The following GRIN2D variants were observed in gnomAD, a reference collection of about 807,000 sequenced individuals.
GRIN2D encodes the protein glutamate receptor ionotropic, NMDA 2D.
GRIN2D carries 37 observed loss-of-function variants against 103.2 expected under a neutral mutation model. The observed-to-expected ratio is 0.36, with a 90% confidence interval of 0.28 to 0.47. GRIN2D has a LOEUF of 0.47. Ranked by LOEUF, GRIN2D falls within the 20% of genes least tolerant of loss-of-function variation. GRIN2D has a pLI of 1.00. For missense variants in GRIN2D, 1,557 were observed against 1,910.6 expected (o/e 0.81, Z 3.45); for synonymous variants, 845 against 885.6 (o/e 0.95, Z 0.81).
At position 48,404,808 on chromosome 19, in the gene GRIN2D, G is replaced by A. The variant is rs1446423040; in HGVS notation, c.540G>A (p.Glu180=). ...QQLQVIFEVL[E]EYDWTSFVAV... is the part of the protein sequence containing the mutation. ...TTCAGGTCATCTTTGAGGTGCTGGA[G>A]GAGTATGACTGGACGTCCTTTGTAG... Residue 180 remains glutamate, a synonymous_variant, in exon 4 of 14, where the codon GAG becomes GAA. Coordinates refer to ENST00000263269, the MANE Select transcript of GRIN2D (RefSeq NM_000836.4). 3.1e-6 allele frequency: 5 copies of A among 1,614,208 alleles called. No individual in the cohort carries two copies. In the South Asian group the frequency reaches 3.3e-5, roughly 11 times the overall value.
In GRIN2D at chr19:48,442,452, G is replaced by A. The variant is rs1034933891; in HGVS notation, c.2673+70G>A. 14 of 1,555,112 alleles carry A rather than the reference G, an allele frequency of 9.0e-6. No individual in the cohort carries two copies. Among genetic ancestry groups the A allele is most frequent in the Non-Finnish European group, 1.2e-5 (14 of 1,145,098 alleles). On this transcript the variant is annotated intron_variant, in intron 13 of 13. Coordinates refer to ENST00000263269, the MANE Select transcript of GRIN2D (RefSeq NM_000836.4). The surrounding 1 kb of genome is among the most constrained non-coding windows in gnomAD (Gnocchi z 7.2). ...GGGGACAAAGGTAAAGCCGAGCAGA[G>A]ACAAGGAGATGTGGGTCGAGATGTG...
chr19:48,419,852 G>T, intron 10 of GRIN2D, 38 bp downstream of exon 10: 1 of 1,389,634 alleles, frequency 7.2e-7, no homozygotes, highest in Middle Eastern at 1.9e-4. Context: ...AGCTGGGGCT[G>T]GGGCTGGAGG....
Position 48,419,369 on chromosome 19 carries a change from C to T in GRIN2D, c.1861+10C>T. The T allele has an allele frequency of 3.1e-6, 5 of 1,594,004 alleles. No individual in the cohort carries two copies. The highest frequency in any genetic ancestry group is 1.4e-5 in the African/African-American group (1 of 73,514). On this transcript the variant is annotated intron_variant, in intron 9 of 13. Transcript: ENST00000263269. ...CTGGCCACGGGCAAGCGTGAGTCCCCCTTCCTCCATCCCCCGCCTCGGAGA... is the reference window on the plus strand; with the variant it reads ...CTGGCCACGGGCAAGCGTGAGTCCCTCTTCCTCCATCCCCCGCCTCGGAGA...
In GRIN2D at chr19:48,427,543, G is replaced by A. The variant is rs559173085; in HGVS notation, c.2252+5598G>A. Among the ~76,000 whole-genome samples, 36 of 137,348 alleles carry A rather than the reference G, an allele frequency of 2.6e-4. No individual in the cohort carries two copies. In the South Asian group the frequency reaches 7.9e-3, roughly 30 times the overall value. 90.1% of individuals were successfully genotyped at this position (137,348 alleles called of 152,430 possible). Reference sequence around the variant, plus strand: ...TGTCCAGGCTGGAGTGCAGTGGCGCGATCTCGGCTCACTACAACCTCCGCC... The same window carrying A: ...TGTCCAGGCTGGAGTGCAGTGGCGCAATCTCGGCTCACTACAACCTCCGCC... On this transcript the variant is annotated intron_variant, in intron 11 of 13. Transcript: ENST00000263269.
chr19:48,396,975 G>C (rs766543741), intron 2 of GRIN2D, among the ~76,000 whole-genome samples: 3 of 152,086 alleles, frequency 2.0e-5, no homozygotes, highest in Admixed American at 6.6e-5. Flanking sequence ...CAGGACCCAG[G>C]AGCCTGGCTC....
intron 2 of GRIN2D, among the ~76,000 whole-genome samples, chr19:48,396,888 G>A (rs1317437092): frequency 1.3e-5 from 2 of 152,076 alleles, no homozygotes; most frequent in Non-Finnish European, 2.9e-5. Context: ...CCTTCTGGAA[G>A]CCCCTAGTGC....
intron 4 of GRIN2D, among the ~76,000 whole-genome samples, chr19:48,412,427 AAGAAAGAAAGAAAG>A (rs1056856741): frequency 2.8e-4 from 27 of 95,612 alleles, no homozygotes; most frequent in African/African-American, 1.2e-3. Flanking sequence ...AAAGAAAAGA[AAGAAAGAAAGAAAG>A]AAAGAAAGAA....
In GRIN2D at chr19:48,443,312, T is replaced by C; in HGVS notation, c.3386T>C (p.Leu1129Pro). The C allele has an allele frequency of 1.3e-6, 2 of 1,526,116 alleles. No individual in the cohort carries two copies. Among genetic ancestry groups the C allele is most frequent in the African/African-American group, 1.4e-5 (1 of 69,318 alleles). The allele number at this position is 1,526,116 out of a possible 1,614,324, so 94.5% of individuals were successfully genotyped here. The change falls in exon 14 of 14, where the codon CTG becomes CCG. Residue 1129 changes from leucine to proline, a missense_variant. Coordinates refer to ENST00000263269, the MANE Select transcript of GRIN2D (RefSeq NM_000836.4). This position sits in a 1 kb window ranked among gnomAD's most constrained non-coding sequence, Gnocchi z 8.9. ...CTGGGCGGCGCGTCGCTGGGCGGCC[T>C]GGAGCCCTGGTGGTTCGCCGACTTC... ...ESLGGASLGG[L>P]EPWWFADFPY...
chr19:48,419,779 T>A lies in GRIN2D; in HGVS notation c.2056T>A (p.Tyr686Asn). The A allele has an allele frequency of 1.2e-6, 2 of 1,612,680 alleles. No individual in the cohort carries two copies. The highest frequency in any genetic ancestry group is 1.7e-6 in the Non-Finnish European group (2 of 1,179,614). The change falls in exon 10 of 14, where the codon TAC (tyrosine) becomes AAC (asparagine). Residue 686 changes from tyrosine to asparagine, a missense_variant. Physicochemically the swap from Tyr to Asn is moderately radical, Grantham distance 143. Coordinates refer to ENST00000263269, the MANE Select transcript of GRIN2D (RefSeq NM_000836.4). ...NLAAFMIQEE[Y>N]VDTVSGLSDR... is the part of the protein sequence containing the mutation. ...GGCCGCCTTCATGATCCAGGAGGAG[T>A]ACGTGGATACTGTGTCTGGGCTCAG...
chr19:48,400,180 G>C (rs546752435), intron 3 of GRIN2D, among the ~76,000 whole-genome samples: 2 of 152,228 alleles, frequency 1.3e-5, no homozygotes, highest in South Asian at 2.1e-4. Context: ...ACCTCTGGTA[G>C]AGAAGGAGAG....
In GRIN2D at chr19:48,394,645, G is replaced by A. The variant is rs927816996; in HGVS notation, c.-305-13G>A. On this transcript the variant is annotated splice_polypyrimidine_tract_variant and intron_variant, in intron 1 of 13. Coordinates refer to ENST00000263269, the MANE Select transcript of GRIN2D (RefSeq NM_000836.4). This position sits in a 1 kb window ranked among gnomAD's most constrained non-coding sequence, Gnocchi z 5.1. The stretch of plus-strand genomic sequence containing the variant: ...CCCGACAGCCTCTGCAATGTCCGGG[G>A]CCCAACTTCCAGAGCAACATGTGTA... Among the ~76,000 whole-genome samples the A allele has an allele frequency of 2.0e-5, 3 of 152,148 alleles. No individual in the cohort carries two copies. The highest frequency in any genetic ancestry group is 4.4e-5 in the Non-Finnish European group (3 of 68,022).
At chr19:48,422,027 C>T in intron 11 of GRIN2D, 82 bp downstream of exon 11, 6 of 1,415,490 alleles carry the variant, frequency 4.2e-6, no homozygotes, top group Non-Finnish European at 5.9e-6. Context: ...GGTCCAGGTT[C>T]ATTCATTCAG....
intron 2 of GRIN2D, among the ~76,000 whole-genome samples, chr19:48,397,490 C>T (rs567547237): frequency 8.5e-5 from 13 of 152,062 alleles, no homozygotes; most frequent in African/African-American, 3.1e-4. Context: ...TGCCTGCCTC[C>T]CTCAATCTCA....
rs186220254 is a variant in GRIN2D at position 48,416,170 on chromosome 19, T to C, written c.1735+15T>C. 31,389 of 1,612,200 alleles carry C rather than the reference T, an allele frequency of 0.019. 395 individuals are homozygous for C. The highest frequency in any genetic ancestry group is 0.025 in the Middle Eastern group (150 of 6,054). ...GGCCTTCCTCGGTAATCTGGGGCCCTGGGACAGGGAGCTAGCCCTAGGCAA... is the reference window on the plus strand; with the variant it reads ...GGCCTTCCTCGGTAATCTGGGGCCCCGGGACAGGGAGCTAGCCCTAGGCAA... On this transcript the variant is annotated intron_variant, in intron 8 of 13. Transcript: ENST00000263269.
At chr19:48,424,497 C>T (rs796900607) in intron 11 of GRIN2D, among the ~76,000 whole-genome samples, 1 of 149,758 alleles carries the variant, frequency 6.7e-6, no homozygotes, top group South Asian at 2.1e-4. Flanking sequence ...GTCTCGATCT[C>T]CTGACCTCGT....
intron 3 of GRIN2D, among the ~76,000 whole-genome samples, chr19:48,402,087 G>A (rs1383829495): frequency 6.9e-6 from 1 of 145,446 alleles, no homozygotes; most frequent in Non-Finnish European, 1.5e-5. Context: ...ACAACAGAGC[G>A]AAACTTGAAA....
intron 8 of GRIN2D, among the ~76,000 whole-genome samples, chr19:48,416,743 C>T (rs891084813): frequency 5.3e-5 from 6 of 112,314 alleles, no homozygotes; most frequent in Non-Finnish European, 7.6e-5. Flanking sequence ...CTCTCTCTCT[C>T]TCTTTTTTTT....
rs1970779956 is a variant in GRIN2D at position 48,405,395 on chromosome 19, G to A, written c.1085+42G>A. On this transcript the variant is annotated intron_variant, in intron 4 of 13. Coordinates refer to ENST00000263269, the MANE Select transcript of GRIN2D (RefSeq NM_000836.4). This position sits in a 1 kb window ranked among gnomAD's most constrained non-coding sequence, Gnocchi z 5.1. The stretch of plus-strand genomic sequence containing the variant: ...TGGGAGGGGTGTGGGAGGGCTCCCA[G>A]AGCCTAACTACCTCAGTATTCACTG... 2 of 1,500,560 alleles carry A rather than the reference G, an allele frequency of 1.3e-6. No homozygotes were observed. Among genetic ancestry groups the A allele is most frequent in the Admixed American group, 2.1e-5 (1 of 48,192 alleles). 93.0% of individuals were successfully genotyped at this position (1,500,560 alleles called of 1,614,324 possible). A position where few individuals can be genotyped will look rare whatever the true frequency, so the allele number is the denominator to read the frequency against.
intron 4 of GRIN2D, among the ~76,000 whole-genome samples, chr19:48,406,768 C>A (rs761152722): frequency 6.6e-6 from 1 of 152,016 alleles, no homozygotes; most frequent in Non-Finnish European, 1.5e-5. Context: ...GCGGGCATGG[C>A]GGGGGCACGG....
Sources: allele counts gnomAD v4.1 joint callset (sites outside exome capture counted in the v4.1 genomes callset), GRCh38; gene constraint gnomAD v4.1.1; non-coding constraint Gnocchi (gnomAD v3.1); transcripts MANE v1.5; gene names NCBI Gene and HGNC (gene_info 2026-07-23, HGNC 2026-07-21).